FBXO3: variants seen among roughly 807,000 people sequenced by gnomAD.
FBXO3 encodes F-box protein 3.
A neutral mutation model predicts 64.8 loss-of-function variants in FBXO3; 17 were observed. The observed-to-expected ratio is 0.26, with a 90% CI of 0.18 to 0.39. The LOEUF (loss-of-function observed/expected upper bound fraction) is 0.39, where lower values mean the gene tolerates loss of function less well. Among genes scored for constraint, FBXO3 ranks in the 10% least tolerant of loss-of-function variants. The probability of loss-of-function intolerance (pLI) is 1.00; values close to 1 mark genes in which losing one functional copy is unlikely to be tolerated. For synonymous variants in FBXO3, 182 were observed against 201.6 expected (o/e 0.90, Z 0.82); for missense variants, 420 against 589.9 (o/e 0.71, Z 2.98).
At chr11:33,742,235 T>A (rs548725725) in intron 10 of FBXO3, 151 bp from the exon 11 acceptor site, 140 of 572,122 alleles carry the variant, frequency 2.4e-4, no homozygotes, top group Non-Finnish European at 3.3e-4. Flanking sequence ...ACAACACACA[T>A]GCTGATGCAA....
In FBXO3 at chr11:33,770,789, T is replaced by C; in HGVS notation, c.146A>G (p.His49Arg). The C allele has an allele frequency of 1.2e-6, 2 of 1,611,400 alleles. No homozygotes were observed. The highest frequency in any genetic ancestry group is 1.1e-5 in the South Asian group (1 of 90,702). ...GCAATGTCTTCTCCACAGCGGATCA[T>C]GACTTGATAGCTGGCTAAGTCTTCG... ...VSRRLSQLSSHDPLWRRHCKK... is the reference protein window; with the variant it reads ...VSRRLSQLSSRDPLWRRHCKK... Residue 49 changes from histidine (H) to arginine (R), a missense_variant, in exon 2 of 11, where the codon CAT becomes CGT. His to Arg is a conservative substitution (Grantham distance 29). Coordinates refer to ENST00000265651, the MANE Select transcript of FBXO3 (RefSeq NM_012175.4).
intron 6 of FBXO3, 24 bp downstream of exon 6, chr11:33,754,431 A>G (rs767910355): frequency 6.4e-7 from 1 of 1,562,346 alleles, no homozygotes; most frequent in Admixed American, 2.1e-5. Context: ...AAGAAGGGGG[A>G]AAAAAGACTT....
intron 3 of FBXO3, among the ~76,000 whole-genome samples, chr11:33,763,561 A>C (rs1018730915): frequency 2.0e-5 from 3 of 151,714 alleles, no homozygotes; most frequent in African/African-American, 7.3e-5. Context: ...TAAAAAACAA[A>C]AACAAAAACC....
chr11:33,752,467 G>C (rs539440134), intron 6 of FBXO3, among the ~76,000 whole-genome samples: 1 of 152,116 alleles, frequency 6.6e-6, no homozygotes, highest in Non-Finnish European at 1.5e-5. Context: ...CTGTCACACT[G>C]AATGTCAGAT....
At chr11:33,754,279 A>G (rs774005363) in intron 6 of FBXO3, 176 bp downstream of exon 6, 17 of 522,536 alleles carry the variant, frequency 3.3e-5, no homozygotes, top group Non-Finnish European at 5.0e-5. Context: ...TATTCAATAC[A>G]AAAACGGTTC....
chr11:33,752,607 T>C (rs1291115791), intron 6 of FBXO3, among the ~76,000 whole-genome samples: 1 of 152,194 alleles, frequency 6.6e-6, no homozygotes, highest in African/African-American at 2.4e-5. Flanking sequence ...ACTATAATAG[T>C]TGGCTCTTTC....
intron 10 of FBXO3, chr11:33,744,552 C>T (rs1015733381): frequency 6.6e-6 from 1 of 152,186 alleles, no homozygotes; most frequent in Non-Finnish European, 1.5e-5. Flanking sequence ...TTCTCCATAT[C>T]AGAAAACTAA....
chr11:33,750,747 A>C, intron 7 of FBXO3, 86 bp from the exon 8 acceptor site: 1 of 1,269,192 alleles, frequency 7.9e-7, no homozygotes, highest in East Asian at 2.4e-5. Context: ...TTAGGACAAA[A>C]AATTTAAATC....
chr11:33,747,876 T>TA (rs60328389), intron 9 of FBXO3, among the ~76,000 whole-genome samples: 2,451 of 106,592 alleles, frequency 0.023, 53 homozygotes, highest in African/African-American at 0.067. Context: ...AAGTATCTAG[T>TA]AAAAAAAAAA....
chr11:33,761,568 T>A (rs1389492953), intron 3 of FBXO3, among the ~76,000 whole-genome samples: 1 of 152,200 alleles, frequency 6.6e-6, no homozygotes, highest in Non-Finnish European at 1.5e-5. Context: ...GGAAAAGATA[T>A]CTACGATCAC....
rs1854956914 is a variant in FBXO3 at position 33,751,542 on chromosome 11, T to G, written c.790A>C (p.Ile264Leu). Residue 264 changes from isoleucine to leucine, a missense_variant, in exon 7 of 11, where the codon ATC becomes CTC. Coordinates refer to ENST00000265651, the MANE Select transcript of FBXO3 (RefSeq NM_012175.4). Reference sequence around the variant, plus strand: ...AAATACCTGAAAATTTGGTCTCTGATGATGGGGAAGCCACCTGATACAACA... The same window carrying G: ...AAATACCTGAAAATTTGGTCTCTGAGGATGGGGAAGCCACCTGATACAACA... The part of the protein sequence containing the change: ...KNVVSGGFPI[I>L]RDQIFRYVHD... The G allele has an allele frequency of 6.2e-7, 1 of 1,609,116 alleles. No homozygotes were observed. Among genetic ancestry groups the G allele is most frequent in the Admixed American group, 1.7e-5 (1 of 59,380 alleles).
In FBXO3 at chr11:33,751,511, A is replaced by G. The variant is rs1463511837; in HGVS notation, c.809+12T>C. 6.4e-7 allele frequency: 1 copy of G among 1,566,450 alleles called. No homozygotes were observed. Among genetic ancestry groups the G allele is most frequent in the Non-Finnish European group, 8.7e-7 (1 of 1,146,208 alleles). ...CAATCATTTCAATCCAAAAAGACCC[A>G]AAATAAAATACCTGAAAATTTGGTC... On this transcript the variant is annotated intron_variant, in intron 7 of 10. Coordinates refer to ENST00000265651, the MANE Select transcript of FBXO3 (RefSeq NM_012175.4).
At chr11:33,745,584 T>C (rs1213499511) in intron 10 of FBXO3, 1 of 152,166 alleles carries the variant, frequency 6.6e-6, no homozygotes, top group African/African-American at 2.4e-5. Flanking sequence ...AGAAAAGTCA[T>C]AGATCAAAAT....
intron 3 of FBXO3, among the ~76,000 whole-genome samples, chr11:33,764,399 G>T (rs899720684): frequency 6.6e-6 from 1 of 152,162 alleles, no homozygotes; most frequent in Non-Finnish European, 1.5e-5. Flanking sequence ...GATCTGGAGG[G>T]TGTTACAATG....
chr11:33,741,236 T>C lies in FBXO3; in HGVS notation c.*672A>G, dbSNP rs1173233799. 1 of 152,686 alleles carries C rather than the reference T, an allele frequency of 6.5e-6. No homozygotes were observed. The highest frequency in any genetic ancestry group is 1.5e-5 in the Non-Finnish European group (1 of 68,050). 9.5% of individuals were successfully genotyped at this position (152,686 alleles called of 1,614,324 possible). ...ATTTCAAAAATGCATCTGTGAATAA[T>C]ATGATAAAGCGCATAGTGTTGAAGA... is the stretch of plus-strand genomic sequence containing the variant. On this transcript the variant is annotated 3_prime_UTR_variant, in exon 11 of 11. Coordinates refer to ENST00000265651, the MANE Select transcript of FBXO3 (RefSeq NM_012175.4).
chr11:33,771,998 A>G (rs1341104969), intron 1 of FBXO3: 1 of 152,184 alleles, frequency 6.6e-6, no homozygotes, highest in Non-Finnish European at 1.5e-5. Context: ...AGGCATCTGT[A>G]TGTTTAAAAA....
At position 33,763,224 on chromosome 11, in the gene FBXO3, C is replaced by G. The variant is rs140172530; in HGVS notation, c.359-4623G>C. Reference sequence around the variant, plus strand: ...AGCTTACATAAACTCTTCCAGGGAACAGAAAAAGAGGCAACACTTCTCGAC... The same window carrying G: ...AGCTTACATAAACTCTTCCAGGGAAGAGAAAAAGAGGCAACACTTCTCGAC... On this transcript the variant is annotated intron_variant, in intron 3 of 10. Coordinates refer to ENST00000265651, the MANE Select transcript of FBXO3 (RefSeq NM_012175.4). 6.9e-6 allele frequency: 3 copies of G among 433,284 alleles called. No homozygotes were observed. In the Admixed American group the frequency reaches 7.2e-5, roughly 10 times the overall value. 26.8% of individuals were successfully genotyped at this position (433,284 alleles called of 1,614,324 possible).
chr11:33,755,747 T>C (rs1412563962), intron 5 of FBXO3, 24 bp downstream of exon 5: 2 of 1,572,448 alleles, frequency 1.3e-6, no homozygotes, highest in African/African-American at 1.3e-5. Flanking sequence ...CTTAATGCCA[T>C]ATTTAAACAC....
chr11:33,743,785 C>G lies in FBXO3; in HGVS notation c.1240-1701G>C, dbSNP rs1329581694. 6.6e-6 allele frequency: 1 copy of G among 152,272 alleles called. No homozygotes were observed. Among genetic ancestry groups the G allele is most frequent in the Non-Finnish European group, 1.5e-5 (1 of 68,060 alleles). The allele number at this position is 152,272 out of a possible 1,614,324, so 9.4% of individuals were successfully genotyped here. A position where few individuals can be genotyped will look rare whatever the true frequency, so the allele number is the denominator to read the frequency against. On this transcript the variant is annotated intron_variant, in intron 10 of 10. Coordinates refer to ENST00000265651, the MANE Select transcript of FBXO3 (RefSeq NM_012175.4). This position sits in a 1 kb window ranked among gnomAD's most constrained non-coding sequence, Gnocchi z 4.6. ...AGCTTAAATGTCACCAAGGCCTCTC[C>G]TGACACATCTTTATATTAGAACAAC... is the stretch of plus-strand genomic sequence containing the variant.
Sources: gnomAD v4.1 joint callset for allele counts (sites outside exome capture counted in the v4.1 genomes callset) on GRCh38, gnomAD v4.1.1 for gene constraint, Gnocchi (gnomAD v3.1) non-coding constraint, MANE v1.5 for transcripts, NCBI Gene and HGNC (gene_info 2026-07-23, HGNC 2026-07-21) for gene names.